The following GALK2 variants were observed in gnomAD, a reference collection of about 807,000 sequenced individuals.
GALK2 encodes the protein galactokinase 2, also known as N-acetylgalactosamine kinase.
Under a neutral mutation model 52.4 loss-of-function variants are expected in GALK2, and 36 were observed. That is an observed-to-expected ratio of 0.69 (90% confidence interval 0.53 to 0.91). The LOEUF is 0.91. Among genes scored for constraint, GALK2 ranks in the 40% least tolerant of loss-of-function variants. The pLI, the probability that GALK2 is intolerant of heterozygous loss-of-function variation, is 0.00. For missense variants in GALK2, 579 were observed against 559.1 expected, an observed-to-expected ratio of 1.04 and a Z score of -0.36; for synonymous variants, 176 against 199.1, an observed-to-expected ratio of 0.88 and a Z score of 0.98.
intron 7 of GALK2, among the ~76,000 whole-genome samples, chr15:49,288,310 C>T (rs2033592846): frequency 6.6e-6 from 1 of 152,120 alleles, no homozygotes. Context: ...TTTTTGCATA[C>T]CCTGAGCTCC....
chr15:49,189,733 A>G (rs2086595958), intron 1 of GALK2, among the ~76,000 whole-genome samples: 1 of 152,156 alleles, frequency 6.6e-6, no homozygotes, highest in Non-Finnish European at 1.5e-5. Flanking sequence ...GGTAGCATAT[A>G]TAGTGTGGAT....
chr15:49,298,217 T>C (rs1402415255), intron 8 of GALK2, among the ~76,000 whole-genome samples: 1 of 152,194 alleles, frequency 6.6e-6, no homozygotes, highest in African/African-American at 2.4e-5. Context: ...GGCTCTTAGC[T>C]TGGACATTAC....
intron 3 of GALK2, chr15:49,225,490 T>C: frequency 3.7e-6 from 1 of 272,986 alleles, no homozygotes; most frequent in Non-Finnish European, 7.3e-6. Context: ...CTCCTTATGA[T>C]AATCCAATGC....
intron 9 of GALK2, among the ~76,000 whole-genome samples, chr15:49,320,659 A>G (rs1220609750): frequency 6.6e-6 from 1 of 152,218 alleles, no homozygotes; most frequent in Admixed American, 6.5e-5. Flanking sequence ...GTTTAAACCA[A>G]GTAACTCCAG....
At chr15:49,251,163 A>G (rs896137707) in intron 5 of GALK2, among the ~76,000 whole-genome samples, 7 of 152,210 alleles carry the variant, frequency 4.6e-5, no homozygotes, top group Admixed American at 3.3e-4. Context: ...CTCTCATGAC[A>G]TTGGATACAA....
chr15:49,209,520 A>T (rs2141345466), intron 2 of GALK2, among the ~76,000 whole-genome samples: 2 of 152,226 alleles, frequency 1.3e-5, no homozygotes, highest in South Asian at 4.2e-4. Context: ...TGTACCTAGT[A>T]TGTTAAGAGT....
chr15:49,304,877 A>G (rs1339915577), intron 8 of GALK2, among the ~76,000 whole-genome samples: 1 of 152,228 alleles, frequency 6.6e-6, no homozygotes, highest in Non-Finnish European at 1.5e-5. Flanking sequence ...TTTTTATGTT[A>G]CACATTTCTC....
At chr15:49,281,293 T>C (rs1362950010) in intron 5 of GALK2, among the ~76,000 whole-genome samples, 1 of 152,234 alleles carries the variant, frequency 6.6e-6, no homozygotes, top group African/African-American at 2.4e-5. Flanking sequence ...CAAATCTAAC[T>C]GGATAAGAAT....
downstream of GALK2, chr15:49,335,475 A>T: frequency 6.2e-7 from 1 of 1,613,258 alleles, no homozygotes; most frequent in Non-Finnish European, 8.5e-7. Flanking sequence ...TTATAACATC[A>T]CGGTATGTTG....
chr15:49,223,669 C>T (rs2089960237), intron 3 of GALK2, among the ~76,000 whole-genome samples: 2 of 152,148 alleles, frequency 1.3e-5, no homozygotes, highest in African/African-American at 4.8e-5. Flanking sequence ...TGTTAATTTG[C>T]TTAGGACTAT....
chr15:49,186,247 C>T (rs1234722756), intron 1 of GALK2, among the ~76,000 whole-genome samples: 1 of 152,144 alleles, frequency 6.6e-6, no homozygotes, highest in Non-Finnish European at 1.5e-5. Context: ...AAATCTTAGA[C>T]TTGCCCTTTA....
intron 3 of GALK2, among the ~76,000 whole-genome samples, chr15:49,355,389 G>A (rs1417248740): frequency 1.3e-5 from 2 of 152,226 alleles, no homozygotes; most frequent in Non-Finnish European, 2.9e-5. Context: ...ACAGAGAACT[G>A]CCTAAAGGAG....
chr15:49,258,748 A>G (rs892922295), intron 5 of GALK2, among the ~76,000 whole-genome samples: 4 of 150,748 alleles, frequency 2.7e-5, no homozygotes, highest in African/African-American at 9.8e-5. Context: ...TCCTGTTACT[A>G]TATCCCCAGA....
chr15:49,156,107 A>T, intron 1 of GALK2: 1 of 1,234,540 alleles, frequency 8.1e-7, no homozygotes, highest in Non-Finnish European at 1.2e-6. Flanking sequence ...TCAGCAACAC[A>T]GTTTACACTT....
At chr15:49,251,397 A>C (rs569884782) in intron 5 of GALK2, among the ~76,000 whole-genome samples, 1 of 152,328 alleles carries the variant, frequency 6.6e-6, no homozygotes, top group South Asian at 2.1e-4. Flanking sequence ...AATTAGTAGA[A>C]TTCAGTATAA....
intron 5 of GALK2, among the ~76,000 whole-genome samples, chr15:49,274,454 G>A (rs1417068761): frequency 6.6e-6 from 1 of 152,188 alleles, no homozygotes; most frequent in Non-Finnish European, 1.5e-5. Context: ...TGCAGGACTG[G>A]CAGTTGCTCT....
At chr15:49,223,047 T>G in intron 3 of GALK2, 1 of 152,242 alleles carries the variant, frequency 6.6e-6, no homozygotes, top group East Asian at 1.9e-4. Flanking sequence ...TTCATTTTAC[T>G]GTTTCAATCT....
At chr15:49,350,710 A>AT (rs1311751335) in intron 3 of GALK2, among the ~76,000 whole-genome samples, 1 of 152,084 alleles carries the variant, frequency 6.6e-6, no homozygotes, top group Non-Finnish European at 1.5e-5. Flanking sequence ...TTCCTGCACC[A>AT]TTTGCCTTTT....
chr15:49,323,606 T>C (rs1193321164), intron 9 of GALK2, among the ~76,000 whole-genome samples: 1 of 152,164 alleles, frequency 6.6e-6, no homozygotes, highest in Admixed American at 6.5e-5. Flanking sequence ...AATACCTAAG[T>C]TGCTATACAC....
Sources: gnomAD v4.1 joint callset for allele counts (sites outside exome capture counted in the v4.1 genomes callset) on GRCh38, gnomAD v4.1.1 for gene constraint, MANE v1.5 for transcripts, NCBI Gene and HGNC (gene_info 2026-07-23, HGNC 2026-07-21) for gene names.